TBK1: variants seen among roughly 807,000 people sequenced by gnomAD.
TBK1 encodes TANK binding kinase 1.
A neutral mutation model predicts 99.9 loss-of-function variants in TBK1; 37 were observed. The observed-to-expected ratio is 0.37, with a 90% confidence interval of 0.28 to 0.49. The LOEUF is 0.49. Among genes scored for constraint, TBK1 ranks in the 20% least tolerant of loss-of-function variants. The pLI is 0.98. For missense variants in TBK1, 644 were observed against 872.5 expected (o/e 0.74, Z 3.30); for synonymous variants, 258 against 279.8 (o/e 0.92, Z 0.78).
chr12:64,485,998 A>C lies in TBK1; in HGVS notation c.1321A>C (p.Lys441Gln), dbSNP rs2136079527. ...TLLLYQELMR[K>Q]GIRWLIELIK... ...ACTGCTTTATCAGGAATTAATGCGA[A>C]AGGGGATACGATGGCTGATGTAAGT... Residue 441 changes from lysine to glutamine, a missense_variant, in exon 11 of 21, where the codon AAG becomes CAG. Lys to Gln is a moderately conservative substitution (Grantham distance 53). Coordinates refer to ENST00000331710, the MANE Select transcript of TBK1 (RefSeq NM_013254.4). 1 of 1,590,646 alleles carries C rather than the reference A, an allele frequency of 6.3e-7. No individual in the cohort carries two copies. The highest frequency in any genetic ancestry group is 1.1e-5 in the South Asian group (1 of 87,958).
chr12:64,475,948 G>A (rs553449160), intron 6 of TBK1, among the ~76,000 whole-genome samples: 3 of 152,008 alleles, frequency 2.0e-5, no homozygotes, highest in African/African-American at 7.2e-5. Context: ...GCTGCTTTTC[G>A]TAGGGGCTGA....
intron 2 of TBK1, among the ~76,000 whole-genome samples, chr12:64,457,197 C>T (rs766465703): frequency 2.6e-5 from 4 of 152,210 alleles, no homozygotes; most frequent in East Asian, 1.9e-4. Context: ...ATGAGATAAG[C>T]GTACATGGGG....
intron 1 of TBK1, among the ~76,000 whole-genome samples, chr12:64,455,123 A>G (rs980101219): frequency 1.7e-4 from 26 of 150,124 alleles, no homozygotes; most frequent in Non-Finnish European, 3.1e-4. Flanking sequence ...AGTAGCTGGG[A>G]TACAGGCACC....
At chr12:64,488,444 T>C in intron 11 of TBK1, 43 bp from the exon 12 acceptor site, 1 of 1,237,454 alleles carries the variant, frequency 8.1e-7, no homozygotes, top group Non-Finnish European at 1.1e-6. Flanking sequence ...ATAGAAAAAA[T>C]AACTCCTTAG....
chr12:64,470,948 A>T (rs2040655931), intron 5 of TBK1, among the ~76,000 whole-genome samples: 1 of 152,194 alleles, frequency 6.6e-6, no homozygotes, highest in African/African-American at 2.4e-5. Context: ...CTGAAATTTA[A>T]CCCCATTCTA....
chr12:64,456,095 A>C (rs2040484601), intron 2 of TBK1, 138 bp downstream of exon 2: 1 of 665,506 alleles, frequency 1.5e-6, no homozygotes, highest in South Asian at 1.9e-5. Flanking sequence ...TTTCGTGGTC[A>C]TTTAAGGCAT....
intron 6 of TBK1, among the ~76,000 whole-genome samples, chr12:64,478,030 G>A (rs1158303248): frequency 1.3e-5 from 2 of 152,208 alleles, no homozygotes; most frequent in Non-Finnish European, 2.9e-5. Context: ...ATAAAACTAT[G>A]ATGTGAAGAA....
Position 64,496,371 on chromosome 12 carries a change from A to G in TBK1, c.1725A>G (p.Leu575=). 1 of 1,202,948 alleles carries G rather than the reference A, an allele frequency of 8.3e-7. No individual in the cohort carries two copies. The highest frequency in any genetic ancestry group is 1.2e-6 in the Non-Finnish European group (1 of 852,808). 74.5% of individuals were successfully genotyped at this position (1,202,948 alleles called of 1,614,324 possible). Residue 575 remains leucine (L), a synonymous_variant, in exon 16 of 21, where the codon TTA becomes TTG. Transcript: ENST00000331710. ...QFKKDKAERR[L]AYNEEQIHKF... The stretch of plus-strand genomic sequence containing the variant: ...AATATATTTTCCTATTTCTAGGATT[A>G]GCTTATAATGAAGAACAAATCCACA...
chr12:64,472,799 A>G (rs1170965461), intron 5 of TBK1, among the ~76,000 whole-genome samples: 1 of 152,182 alleles, frequency 6.6e-6, no homozygotes. Flanking sequence ...AAAAATCACA[A>G]AAAACCTCAA....
At chr12:64,468,852 T>C (rs1051974993) in intron 5 of TBK1, among the ~76,000 whole-genome samples, 3 of 152,174 alleles carry the variant, frequency 2.0e-5, no homozygotes, top group Non-Finnish European at 4.4e-5. Flanking sequence ...TGCTGTTCTG[T>C]GCCGTTCCCT....
chr12:64,456,723 T>A (rs867746734), intron 2 of TBK1, among the ~76,000 whole-genome samples: 4 of 151,756 alleles, frequency 2.6e-5, no homozygotes, highest in Middle Eastern at 3.4e-3. Flanking sequence ...GCGCCTGTAG[T>A]CCCAGCTACT....
chr12:64,463,870 G>GT (rs562876176), intron 3 of TBK1, among the ~76,000 whole-genome samples: 11,581 of 137,758 alleles, frequency 0.084, 605 homozygotes, highest in South Asian at 0.12. Flanking sequence ...TTTTTTTTTT[G>GT]TTTTTTTTTT....
intron 6 of TBK1, among the ~76,000 whole-genome samples, chr12:64,475,418 C>G (rs1389442833): frequency 6.6e-6 from 1 of 152,130 alleles, no homozygotes; most frequent in Non-Finnish European, 1.5e-5. Flanking sequence ...GCCCTTGTCT[C>G]CTTCCCTCCC....
chr12:64,500,110 T>C (rs2040973319), intron 20 of TBK1, among the ~76,000 whole-genome samples: 1 of 152,192 alleles, frequency 6.6e-6, no homozygotes, highest in African/African-American at 2.4e-5. Flanking sequence ...TGCAGGTTTC[T>C]TGACAATATA....
At position 64,464,482 on chromosome 12, in the gene TBK1, A is replaced by G. The variant is rs768575927; in HGVS notation, c.358+19A>G. The G allele has an allele frequency of 5.2e-6, 8 of 1,531,956 alleles. No homozygotes were observed. In the South Asian group the frequency reaches 7.6e-5, roughly 15 times the overall value. The allele number at this position is 1,531,956 out of a possible 1,614,324, so 94.9% of individuals were successfully genotyped here. On this transcript the variant is annotated intron_variant, in intron 4 of 20. Transcript: ENST00000331710. ...GATGTGGGTATGTTTGTTTATTTAT[A>G]TGATATCATTTGTATATAAAATTTA...
chr12:64,458,090 C>G (rs1324788737), intron 2 of TBK1, among the ~76,000 whole-genome samples: 1 of 138,144 alleles, frequency 7.2e-6, no homozygotes, highest in Non-Finnish European at 1.6e-5. Context: ...CTACTAAACA[C>G]ACACACACAC....
intron 5 of TBK1, among the ~76,000 whole-genome samples, chr12:64,472,953 A>G (rs1391895210): frequency 6.6e-6 from 1 of 152,226 alleles, no homozygotes; most frequent in African/African-American, 2.4e-5. Flanking sequence ...GTAGATCCCC[A>G]GTGAACCCAG....
intron 13 of TBK1, among the ~76,000 whole-genome samples, chr12:64,491,884 A>G (rs976565415): frequency 2.0e-5 from 3 of 152,218 alleles, no homozygotes; most frequent in Admixed American, 6.5e-5. Flanking sequence ...GGAACAGAAT[A>G]GAAAATGTCA....
In TBK1 at chr12:64,488,545, A is replaced by C; in HGVS notation, c.1399A>C (p.Thr467Pro). ...TVHKKTEVVITLDFCIRNIEK... is the reference protein window; with the variant it reads ...TVHKKTEVVIPLDFCIRNIEK... ...TCACAAAAAGACAGAAGTTGTGATC[A>C]CATTGGATTTCTGTATCAGAAACAT... The change falls in exon 12 of 21, where the codon ACA becomes CCA. Residue 467 changes from threonine to proline, a missense_variant. Thr to Pro is a conservative substitution (Grantham distance 38, BLOSUM62 -1). Transcript: ENST00000331710. 1 of 1,607,102 alleles carries C rather than the reference A, an allele frequency of 6.2e-7. No homozygotes were observed. Among genetic ancestry groups the C allele is most frequent in the Non-Finnish European group, 8.5e-7 (1 of 1,177,626 alleles).
Sources: allele counts gnomAD v4.1 joint callset (sites outside exome capture counted in the v4.1 genomes callset), GRCh38; gene constraint gnomAD v4.1.1; transcripts MANE v1.5; gene names NCBI Gene and HGNC (gene_info 2026-07-23, HGNC 2026-07-21).